Variants in HS3ST4 observed in about 807,000 individuals in gnomAD.
HS3ST4 encodes heparan sulfate-glucosamine 3-sulfotransferase 4, also known as heparan sulfate glucosamine 3-O-sulfotransferase 4.
HS3ST4 carries 17 observed loss-of-function variants against 29.2 expected under a neutral mutation model. The ratio of observed to expected loss-of-function variants is 0.58; its 90% CI spans 0.40 to 0.87. The LOEUF is 0.87. HS3ST4 is among the 40% of genes least tolerant of loss of function. HS3ST4 has a pLI of 0.00. For missense variants in HS3ST4, 627 were observed against 634.5 expected, an observed-to-expected ratio of 0.99 and a Z score of 0.13; for synonymous variants, 314 against 285.7, an observed-to-expected ratio of 1.10 and a Z score of -1.00.
intron 1 of HS3ST4, among the ~76,000 whole-genome samples, chr16:26,135,189 A>G (rs1197433407): frequency 6.6e-6 from 1 of 152,176 alleles, no homozygotes; most frequent in Non-Finnish European, 1.5e-5. Flanking sequence ...TCTTTAATTT[A>G]TTGAACTCTT....
chr16:26,022,245 A>G lies in HS3ST4; in HGVS notation c.735-113367A>G, dbSNP rs147590822. Among the ~76,000 whole-genome samples the G allele has an allele frequency of 1.4e-3, 216 of 152,212 alleles. 1 individual carries two copies. The Middle Eastern group carries it at 0.045, about 31-fold the overall frequency. ...CGTCCTCCCAAAGTGTTAGGATTCT[A>G]TGCATTAGCCATGGCAACCAGCTAA... On this transcript the variant is annotated intron_variant, in intron 1 of 1. Coordinates refer to ENST00000331351, the MANE Select transcript of HS3ST4 (RefSeq NM_006040.3).
intron 1 of HS3ST4, among the ~76,000 whole-genome samples, chr16:25,927,479 C>T (rs912430779): frequency 5.3e-5 from 8 of 152,208 alleles, no homozygotes; most frequent in African/African-American, 1.9e-4. Flanking sequence ...CCTGCATTCT[C>T]TTTCGGGACT....
intron 1 of HS3ST4, among the ~76,000 whole-genome samples, chr16:25,932,052 C>T (rs529717946): frequency 4.6e-5 from 7 of 152,330 alleles, no homozygotes; most frequent in African/African-American, 1.7e-4. Context: ...AAGTTGCTCA[C>T]ACCTGTAATC....
chr16:25,823,532 G>T (rs1218906823), intron 1 of HS3ST4, among the ~76,000 whole-genome samples: 1 of 152,094 alleles, frequency 6.6e-6, no homozygotes, highest in Non-Finnish European at 1.5e-5. Flanking sequence ...TTTTCAGGAA[G>T]TCTTCTCCAA....
At chr16:25,741,085 T>G (rs1966648943) in intron 1 of HS3ST4, among the ~76,000 whole-genome samples, 1 of 152,044 alleles carries the variant, frequency 6.6e-6, no homozygotes, top group Non-Finnish European at 1.5e-5. Flanking sequence ...AAAAAATGTT[T>G]GAAGGGATTT....
rs115736360 is a variant in HS3ST4, at chr16:25,980,789, G to A, written c.735-154823G>A. 3.9e-3 allele frequency among the ~76,000 whole-genome samples: 589 copies of A among 152,288 alleles called. 7 individuals are homozygous for A. The highest frequency in any genetic ancestry group is 0.013 in the African/African-American group (550 of 41,546). On this transcript the variant is annotated intron_variant, in intron 1 of 1. Transcript: ENST00000331351. ...ACTCACAGATCCCTAGACACAGGAA[G>A]CACACCACGCCACTCAGGGCCATAT...
intron 1 of HS3ST4, among the ~76,000 whole-genome samples, chr16:25,981,283 G>C (rs958170689): frequency 6.6e-6 from 1 of 152,022 alleles, no homozygotes; most frequent in Non-Finnish European, 1.5e-5. Context: ...GTTGCAGTGA[G>C]CTGAGATCGT....
At chr16:26,020,877 G>A (rs1262146231) in intron 1 of HS3ST4, among the ~76,000 whole-genome samples, 2 of 152,176 alleles carry the variant, frequency 1.3e-5, no homozygotes, top group African/African-American at 4.8e-5. Context: ...ATCTCTACAT[G>A]TATTAGTTTT....
chr16:25,758,099 A>G (rs966940010), intron 1 of HS3ST4, among the ~76,000 whole-genome samples: 1 of 152,114 alleles, frequency 6.6e-6, no homozygotes. Flanking sequence ...TAAGGGAGAT[A>G]CCTTGGTTAC....
intron 1 of HS3ST4, among the ~76,000 whole-genome samples, chr16:25,920,234 A>G (rs1008685182): frequency 1.1e-4 from 17 of 152,140 alleles, no homozygotes; most frequent in African/African-American, 4.1e-4. Flanking sequence ...CTAGATTTCA[A>G]TCCAGCAGCT....
At chr16:25,734,392 A>G (rs534259232) in intron 1 of HS3ST4, among the ~76,000 whole-genome samples, 28 of 152,266 alleles carry the variant, frequency 1.8e-4, no homozygotes, top group African/African-American at 6.0e-4. Context: ...ATTTCTGGGA[A>G]GAGGGCCCAG....
At position 26,136,167 on chromosome 16, in the gene HS3ST4, A is replaced by T. The variant is rs2141818418; in HGVS notation, c.1290A>T (p.Lys430Asn). 1 of 1,613,424 alleles carries T rather than the reference A, an allele frequency of 6.2e-7. No individual in the cohort carries two copies. The highest frequency in any genetic ancestry group is 1.7e-5 in the Admixed American group (1 of 59,958). Residue 430 changes from lysine (K) to asparagine (N), a missense_variant, in exon 2 of 2, where the codon AAA becomes AAT. Around this residue, in one of 2 missense-constraint regions of HS3ST4, gnomAD observed 225 missense variants for 293.7 expected, o/e 0.77. Transcript: ENST00000331351. ...IDPDVIHRLR[K>N]FYKPFNLMFY... ...CAGATGTCATCCACAGACTGAGGAA[A>T]TTCTACAAACCCTTCAACTTGATGT...
chr16:26,059,465 G>C (rs1898449878), intron 1 of HS3ST4, among the ~76,000 whole-genome samples: 2 of 152,074 alleles, frequency 1.3e-5, no homozygotes. Context: ...GGGCGGAGAG[G>C]GTCCTTTAGC....
At chr16:25,828,298 T>TCTCTCTCTCTCTC (rs1567249508) in intron 1 of HS3ST4, among the ~76,000 whole-genome samples, 1 of 27,882 alleles carries the variant, frequency 3.6e-5, no homozygotes, top group African/African-American at 1.4e-4. Context: ...CTTTCTTTCT[T>TCTCTCTCTCTCTC]TCCCTCTCTC....
At chr16:25,800,593 A>G (rs796893997) in intron 1 of HS3ST4, among the ~76,000 whole-genome samples, 48 of 152,246 alleles carry the variant, frequency 3.2e-4, no homozygotes, top group African/African-American at 8.9e-4. Flanking sequence ...TAAACAATTT[A>G]GTGTCTTTTT....
chr16:25,873,662 A>G (rs866411266), intron 1 of HS3ST4, among the ~76,000 whole-genome samples: 90 of 85,326 alleles, frequency 1.1e-3, no homozygotes, highest in African/African-American at 3.1e-3. Context: ...CCGTCCGTCC[A>G]TCCATCCATC....
In HS3ST4 at chr16:25,754,476, CA is replaced by C. The variant is rs571369331; in HGVS notation, c.734+61326del. On this transcript the variant is annotated intron_variant, in intron 1 of 1. Transcript: ENST00000331351. The stretch of plus-strand genomic sequence containing the variant: ...CCATCTACCCATCCATCCACCCATC[CA>C]CCTACCCATCTGTACTAGCCCATTC... Among the ~76,000 whole-genome samples the C allele has an allele frequency of 2.0e-5, 3 of 152,082 alleles. No homozygotes were observed. In the South Asian group the frequency reaches 6.2e-4, roughly 32 times the overall value.
Position 25,843,116 on chromosome 16 carries a change from A to G in HS3ST4, c.734+149965A>G, listed in dbSNP as rs144807312. The stretch of plus-strand genomic sequence containing the variant: ...TATTGCTGCATATGAACCACCCCCA[A>G]ATTTAGTGAGTTAAAATAACAATTT... On this transcript the variant is annotated intron_variant, in intron 1 of 1. Coordinates refer to ENST00000331351, the MANE Select transcript of HS3ST4 (RefSeq NM_006040.3). Among the ~76,000 whole-genome samples, 1,198 of 152,268 alleles carry G rather than the reference A, an allele frequency of 7.9e-3. 16 individuals are homozygous for G. Among genetic ancestry groups the G allele is most frequent in the African/African-American group, 0.027 (1,134 of 41,542 alleles).
chr16:25,724,782 A>G (rs945490628), intron 1 of HS3ST4, among the ~76,000 whole-genome samples: 4 of 152,192 alleles, frequency 2.6e-5, no homozygotes, highest in African/African-American at 9.7e-5. Flanking sequence ...GGTCACTGGC[A>G]ACTTCGTTAA....
Sources: allele counts gnomAD v4.1 joint callset (sites outside exome capture counted in the v4.1 genomes callset), GRCh38; gene constraint gnomAD v4.1.1; regional missense constraint gnomAD v4.1.1; transcripts MANE v1.5; gene names NCBI Gene and HGNC (gene_info 2026-07-23, HGNC 2026-07-21).